ACTR3C: variants seen among roughly 807,000 people sequenced by gnomAD.
The protein encoded by ACTR3C is actin-related protein 3C.
In ACTR3C, 18 loss-of-function variants were observed where a neutral mutation model predicts 26.3. The observed-to-expected ratio is 0.68, with a 90% confidence interval of 0.47 to 1.01. The LOEUF (loss-of-function observed/expected upper bound fraction) is 1.01. Ranked by LOEUF, ACTR3C falls within the 50% of genes least tolerant of loss-of-function variation. The pLI is 0.00. For missense variants in ACTR3C, 184 were observed against 250.7 expected (o/e 0.73, Z 1.80); for synonymous variants, 55 against 94.5 (o/e 0.58, Z 2.42).
the ACTR3C span, among the ~76,000 whole-genome samples, chr7:150,218,311 A>C: frequency 6.6e-6 from 1 of 152,176 alleles, no homozygotes; most frequent in Admixed American, 6.5e-5. Context: ...ACAAACTCCA[A>C]AGCTGCAAAC....
the ACTR3C span, among the ~76,000 whole-genome samples, chr7:150,037,768 CCTCCCCCTCCTGCGATGGGG>C: frequency 2.1e-5 from 1 of 47,478 alleles, no homozygotes; most frequent in Non-Finnish European, 5.7e-5. Context: ...GCGGGGGGTG[CCTCCCCCTCCTGCGATGGGG>C]GTCCCCAGAG....
the ACTR3C span, among the ~76,000 whole-genome samples, chr7:149,979,547 C>T: frequency 1.3e-5 from 2 of 152,184 alleles, no homozygotes; most frequent in Non-Finnish European, 2.9e-5. Flanking sequence ...CATATTTGCT[C>T]AGACTTTGAA....
At chr7:150,285,057 G>A (rs1239697419) in intron 5 of ACTR3C, among the ~76,000 whole-genome samples, 1 of 152,170 alleles carries the variant, frequency 6.6e-6, no homozygotes, top group African/African-American at 2.4e-5. Flanking sequence ...AAAATGTATG[G>A]ATTTAGTGAA....
the ACTR3C span, among the ~76,000 whole-genome samples, chr7:150,066,772 C>A: frequency 6.6e-6 from 1 of 152,112 alleles, no homozygotes; most frequent in African/African-American, 2.4e-5. Context: ...TAGTTTAGTT[C>A]CACTCAAATT....
At chr7:150,008,216 CT>C in the ACTR3C span, among the ~76,000 whole-genome samples, 1 of 152,204 alleles carries the variant, frequency 6.6e-6, no homozygotes. Context: ...AATTCTGCTT[CT>C]GTGACATAGA....
the ACTR3C span, chr7:150,040,549 C>G: frequency 2.0e-5 from 3 of 148,682 alleles, 1 homozygote; most frequent in African/African-American, 7.7e-5. Context: ...TAAGAATTCT[C>G]TCACCTGCCT....
At position 150,319,786 on chromosome 7, in the gene ACTR3C, C is replaced by T. The variant is rs1235305211; in HGVS notation, c.-52+3683G>A. ...ACAGAGTTAGCAGCTAATGTAGCTA[C>T]TTCCCACTTTCTGTCACCCCTGCAA... On this transcript the variant is annotated intron_variant, in intron 1 of 7. Transcript: ENST00000683684. Among the ~76,000 whole-genome samples, 9 of 152,352 alleles carry T rather than the reference C, an allele frequency of 5.9e-5. No homozygotes were observed. The East Asian group carries it at 1.5e-3, about 26-fold the overall frequency.
At chr7:150,183,696 C>CAAAAAAAAAAAAAAAAAAAAA in the ACTR3C span, among the ~76,000 whole-genome samples, 1 of 48,034 alleles carries the variant, frequency 2.1e-5, no homozygotes. Context: ...GTGGCTATGG[C>CAAAAAAAAAAAAAAAAAAAAA]AAAAAAAAAA....
chr7:150,315,253 G>A (rs1325197517), intron 1 of ACTR3C, among the ~76,000 whole-genome samples: 1 of 151,796 alleles, frequency 6.6e-6, no homozygotes, highest in Non-Finnish European at 1.5e-5. Flanking sequence ...CATTAAAATC[G>A]AAATTCATTA....
chr7:150,103,270 C>T, the ACTR3C span, among the ~76,000 whole-genome samples: 1 of 151,858 alleles, frequency 6.6e-6, no homozygotes. Context: ...TACTCGTTCA[C>T]CAGATAAACA....
chr7:150,034,958 C>T, the ACTR3C span, among the ~76,000 whole-genome samples: 47 of 143,686 alleles, frequency 3.3e-4, 3 homozygotes, highest in Non-Finnish European at 4.6e-5. Flanking sequence ...GGGGATAACT[C>T]TCAGTCCCCA....
At chr7:150,024,708 G>A in the ACTR3C span, among the ~76,000 whole-genome samples, 5 of 122,066 alleles carry the variant, frequency 4.1e-5, no homozygotes, top group Admixed American at 3.6e-4. Context: ...GCCTATTGAT[G>A]TCCTGTAATA....
chr7:149,947,161 A>T, the ACTR3C span, among the ~76,000 whole-genome samples: 1 of 150,926 alleles, frequency 6.6e-6, no homozygotes, highest in Non-Finnish European at 1.5e-5. Flanking sequence ...AACTTCCCCT[A>T]TAACATTTGG....
At chr7:150,297,617 C>T (rs1432518230) in intron 1 of ACTR3C, among the ~76,000 whole-genome samples, 3 of 152,304 alleles carry the variant, frequency 2.0e-5, no homozygotes, top group Middle Eastern at 3.4e-3. Context: ...TTTGGGAGGC[C>T]GAGGCGGGCG....
the ACTR3C span, among the ~76,000 whole-genome samples, chr7:149,883,914 G>A: frequency 7.3e-5 from 11 of 151,636 alleles, no homozygotes; most frequent in African/African-American, 2.2e-4. Context: ...CTGTCTTCCC[G>A]AACTGTTTCG....
chr7:150,199,532 A>T, the ACTR3C span, among the ~76,000 whole-genome samples: 2 of 117,286 alleles, frequency 1.7e-5, no homozygotes, highest in South Asian at 5.8e-4. Context: ...TTATCTGCTG[A>T]CCTTCCCTCC....
the ACTR3C span, among the ~76,000 whole-genome samples, chr7:150,198,481 C>T: frequency 1.5e-5 from 2 of 137,260 alleles, no homozygotes; most frequent in Non-Finnish European, 3.1e-5. Context: ...ATGTGGGGAG[C>T]GCCTCTGCCC....
rs554030619 is a variant in ACTR3C at position 150,289,353 on chromosome 7, G to A, written c.297+97C>T. On this transcript the variant is annotated intron_variant, in intron 4 of 7. Coordinates refer to ENST00000683684, the MANE Select transcript of ACTR3C (RefSeq NM_001164458.2). Reference sequence around the variant, plus strand: ...CCCCACACTCATGGGAAGGGGAGAGGATGGAAAGGAGGGGCAGGGATGATG... The same window carrying A: ...CCCCACACTCATGGGAAGGGGAGAGAATGGAAAGGAGGGGCAGGGATGATG... 489 of 1,446,686 alleles carry A rather than the reference G, an allele frequency of 3.4e-4. 3 individuals are homozygous for A. The African/African-American group carries it at 7.0e-3, about 21-fold the overall frequency. 89.6% of individuals were successfully genotyped at this position (1,446,686 alleles called of 1,614,324 possible). A position where few individuals can be genotyped will look rare whatever the true frequency, so the allele number is the denominator to read the frequency against.
chr7:150,319,079 T>C (rs1375428981), intron 1 of ACTR3C, among the ~76,000 whole-genome samples: 2 of 152,250 alleles, frequency 1.3e-5, no homozygotes, highest in South Asian at 2.1e-4. Context: ...AGTCTATTAC[T>C]GAGCAAGTCT....
Sources: allele counts gnomAD v4.1 joint callset (sites outside exome capture counted in the v4.1 genomes callset), GRCh38; gene constraint gnomAD v4.1.1; transcripts MANE v1.5; gene names NCBI Gene and HGNC (gene_info 2026-07-23, HGNC 2026-07-21).